The following LRRC28 variants were observed in gnomAD, a reference collection of about 807,000 sequenced individuals.
LRRC28 encodes leucine rich repeat containing 28.
In LRRC28, 39 loss-of-function variants were observed where a neutral mutation model predicts 45.7. That is an observed-to-expected ratio of 0.85 (90% CI 0.66 to 1.12). LRRC28 has a LOEUF of 1.12. Among genes scored for constraint, LRRC28 ranks in the 50% most tolerant of loss-of-function variants. The probability of loss-of-function intolerance (pLI) is 0.00; values close to 1 mark genes in which losing one functional copy is unlikely to be tolerated. For missense variants in LRRC28, 435 were observed against 438.5 expected, an observed-to-expected ratio of 0.99 and a Z score of 0.07; for synonymous variants, 206 against 178.8, an observed-to-expected ratio of 1.15 and a Z score of -1.22.
At chr15:99,263,296 G>A (rs553360171) in intron 2 of LRRC28, among the ~76,000 whole-genome samples, 2 of 145,348 alleles carry the variant, frequency 1.4e-5, no homozygotes, top group East Asian at 4.0e-4. Context: ...GCCAGCCTGG[G>A]TGACAAAGTG....
At chr15:99,353,887 GAGAT>G (rs1956964554) in intron 7 of LRRC28, 1 of 152,002 alleles carries the variant, frequency 6.6e-6, no homozygotes, top group African/African-American at 2.4e-5. Context: ...GCTAAGTAGA[GAGAT>G]ATTTTTAAAT....
At chr15:99,355,448 C>A (rs1268609573) in intron 7 of LRRC28, 1 of 152,196 alleles carries the variant, frequency 6.6e-6, no homozygotes, top group Non-Finnish European at 1.5e-5. Flanking sequence ...TGGAGAGTGA[C>A]CACTAGGAGC....
chr15:99,257,295 T>TA (rs2081050670), intron 2 of LRRC28, among the ~76,000 whole-genome samples: 1 of 152,238 alleles, frequency 6.6e-6, no homozygotes, highest in Non-Finnish European at 1.5e-5. Flanking sequence ...AGGAATCCTT[T>TA]TTTGCAAAGT....
At chr15:99,282,548 T>G (rs1462749358) in intron 3 of LRRC28, among the ~76,000 whole-genome samples, 10 of 152,226 alleles carry the variant, frequency 6.6e-5, no homozygotes, top group Non-Finnish European at 1.0e-4. Flanking sequence ...TACATATGTT[T>G]AGATACACAA....
intron 8 of LRRC28, among the ~76,000 whole-genome samples, chr15:99,361,874 T>C (rs925796086): frequency 2.0e-5 from 3 of 152,170 alleles, no homozygotes; most frequent in African/African-American, 7.2e-5. Context: ...GAATGTGTAT[T>C]TGGTTGAAGT....
At chr15:99,301,864 G>A (rs1438801134) in intron 5 of LRRC28, among the ~76,000 whole-genome samples, 1 of 151,828 alleles carries the variant, frequency 6.6e-6, no homozygotes, top group African/African-American at 2.4e-5. Context: ...ACAAGAAAGA[G>A]AACCTGTATT....
At chr15:99,301,845 A>G (rs1426427138) in intron 5 of LRRC28, among the ~76,000 whole-genome samples, 1 of 152,182 alleles carries the variant, frequency 6.6e-6, no homozygotes, top group African/African-American at 2.4e-5. Flanking sequence ...TATGATATAT[A>G]ATGGTATGAC....
At chr15:99,374,048 C>T (rs2152335526) in intron 9 of LRRC28, among the ~76,000 whole-genome samples, 1 of 152,122 alleles carries the variant, frequency 6.6e-6, no homozygotes, top group East Asian at 1.9e-4. Context: ...TTCTACTTTG[C>T]TTTTCCCTTT....
rs113517025 is a variant in LRRC28 at position 99,290,806 on chromosome 15, TA to T, written c.385+2867del. The stretch of plus-strand genomic sequence containing the variant: ...CTTTGTCTCTACTAAAATCCAACAA[TA>T]AAAAAAAAAAATTAGCCGTGCATGG... On this transcript the variant is annotated intron_variant, in intron 5 of 9. Coordinates refer to ENST00000301981, the MANE Select transcript of LRRC28 (RefSeq NM_144598.5). Among the ~76,000 whole-genome samples the T allele has an allele frequency of 8.3e-4, 118 of 142,426 alleles. 3 individuals are homozygous for T. The highest frequency in any genetic ancestry group is 3.5e-3 in the Middle Eastern group (1 of 284). The allele number at this position is 142,426 out of a possible 152,430, so 93.4% of individuals were successfully genotyped here.
Position 99,389,692 on chromosome 15 carries a change from G to GT in LRRC28, c.*3594dup, listed in dbSNP as rs1211490689. The GT allele has an allele frequency of 6.6e-6, 1 of 152,034 alleles. No individual in the cohort carries two copies. Among genetic ancestry groups the GT allele is most frequent in the East Asian group, 1.9e-4 (1 of 5,196 alleles). 9.4% of individuals were successfully genotyped at this position (152,034 alleles called of 1,614,324 possible). On this transcript the variant is annotated 3_prime_UTR_variant, in exon 10 of 10. Transcript: ENST00000301981. ...GTTTTATTATGCCTTCATTTTTGTG[G>GT]TTTTCATTCACTCCTGCTTGCTTCT...
At chr15:99,322,544 A>G (rs1228760520) in intron 5 of LRRC28, among the ~76,000 whole-genome samples, 1 of 152,068 alleles carries the variant, frequency 6.6e-6, no homozygotes, top group Non-Finnish European at 1.5e-5. Context: ...GTGTTCCCAG[A>G]TTTGGTCATT....
rs1462035626 is a variant in LRRC28, at chr15:99,365,162, A to T, written c.1031+1897A>T. Among the ~76,000 whole-genome samples the T allele has an allele frequency of 5.9e-5, 9 of 152,298 alleles. 1 individual carries two copies. In the South Asian group the frequency reaches 1.9e-3, roughly 32 times the overall value. On this transcript the variant is annotated intron_variant, in intron 9 of 9. Coordinates refer to ENST00000301981, the MANE Select transcript of LRRC28 (RefSeq NM_144598.5). ...TTCAAATCACTTTTATGTTATCTTT[A>T]TATGAAATTTGGGGAATTTAGTCAG... is the stretch of plus-strand genomic sequence containing the variant.
At chr15:99,259,574 TG>T in intron 2 of LRRC28, 2 of 1,462,170 alleles carry the variant, frequency 1.4e-6, no homozygotes, top group Non-Finnish European at 1.9e-6. Flanking sequence ...CCAGTACGGG[TG>T]GTCTGGCAAC....
rs1001115158 is a variant in LRRC28, at chr15:99,259,474, T to G, written c.168+3349T>G. 5.1e-6 allele frequency: 6 copies of G among 1,171,964 alleles called. No homozygotes were observed. In the East Asian group the frequency reaches 1.4e-4, roughly 27 times the overall value. 72.6% of individuals were successfully genotyped at this position (1,171,964 alleles called of 1,614,324 possible). A position where few individuals can be genotyped will look rare whatever the true frequency, so the allele number is the denominator to read the frequency against. On this transcript the variant is annotated intron_variant, in intron 2 of 9. Coordinates refer to ENST00000301981, the MANE Select transcript of LRRC28 (RefSeq NM_144598.5). Reference sequence around the variant, plus strand: ...AGAAAGAATTTGAGCCTCTGCCCAATTGGGTGAAAGATAAAGCCATTAAGG... The same window carrying G: ...AGAAAGAATTTGAGCCTCTGCCCAAGTGGGTGAAAGATAAAGCCATTAAGG...
intron 9 of LRRC28, among the ~76,000 whole-genome samples, chr15:99,376,345 A>G (rs1183568022): frequency 1.3e-5 from 2 of 151,964 alleles, no homozygotes; most frequent in African/African-American, 4.8e-5. Flanking sequence ...CAAAGAACAT[A>G]CTCTATGATT....
chr15:99,273,936 G>C (rs533507432), intron 2 of LRRC28, among the ~76,000 whole-genome samples: 1 of 152,298 alleles, frequency 6.6e-6, no homozygotes, highest in African/African-American at 2.4e-5. Context: ...TGGTTCCCTA[G>C]TTTTTCTAGG....
At chr15:99,258,593 A>C in intron 2 of LRRC28, 1 of 752,658 alleles carries the variant, frequency 1.3e-6, no homozygotes, top group Non-Finnish European at 2.4e-6. Context: ...AGACTAAAAA[A>C]GTTGAAAAAA....
chr15:99,353,101 C>T (rs1956937123), intron 7 of LRRC28, among the ~76,000 whole-genome samples: 1 of 152,172 alleles, frequency 6.6e-6, no homozygotes, highest in South Asian at 2.1e-4. Flanking sequence ...TCATCTTCTC[C>T]TTCTACAACG....
At chr15:99,305,626 A>T (rs1955155338) in intron 5 of LRRC28, among the ~76,000 whole-genome samples, 1 of 152,234 alleles carries the variant, frequency 6.6e-6, no homozygotes, top group Non-Finnish European at 1.5e-5. Context: ...TATTTAAAGA[A>T]TGTTAATTAA....
Sources: gnomAD v4.1 joint callset for allele counts (sites outside exome capture counted in the v4.1 genomes callset) on GRCh38, gnomAD v4.1.1 for gene constraint, MANE v1.5 for transcripts, NCBI Gene and HGNC (gene_info 2026-07-23, HGNC 2026-07-21) for gene names.